VEZT: variants seen among roughly 807,000 people sequenced by gnomAD.
VEZT encodes the protein vezatin, adherens junctions transmembrane protein.
Under a neutral mutation model 79.9 loss-of-function variants are expected in VEZT, and 39 were observed. The ratio of observed to expected loss-of-function variants is 0.49; its 90% CI spans 0.38 to 0.64. The LOEUF (loss-of-function observed/expected upper bound fraction) is 0.64, where lower values mean the gene tolerates loss of function less well. VEZT is among the 30% of genes least tolerant of loss of function. The pLI is 0.00. For synonymous variants in VEZT, 325 were observed against 327.6 expected (o/e 0.99, Z 0.09); for missense variants, 837 against 893.1 (o/e 0.94, Z 0.80).
chr12:95,264,718 C>T (rs556330373), intron 4 of VEZT, among the ~76,000 whole-genome samples: 4 of 151,826 alleles, frequency 2.6e-5, no homozygotes, highest in South Asian at 2.1e-4. Flanking sequence ...ATTACAGGCA[C>T]GAGCCCCTGC....
chr12:95,298,414 A>T (rs1344574719), intron 11 of VEZT, among the ~76,000 whole-genome samples: 2 of 152,132 alleles, frequency 1.3e-5, no homozygotes, highest in African/African-American at 4.8e-5. Context: ...CATACATCAG[A>T]GATTAATTTT....
intron 1 of VEZT, among the ~76,000 whole-genome samples, chr12:95,250,565 A>G (rs536854933): frequency 7.3e-4 from 111 of 152,008 alleles, no homozygotes; most frequent in African/African-American, 2.7e-3. Context: ...AGCCTCCCAA[A>G]GTGTTGGGAT....
intron 2 of VEZT, among the ~76,000 whole-genome samples, chr12:95,252,969 G>GA (rs63001761): frequency 0.11 from 17,125 of 150,530 alleles, 1,256 homozygotes; most frequent in East Asian, 0.16. Context: ...GTGTCTCAAA[G>GA]AAAAAAAAAT....
intron 2 of VEZT, among the ~76,000 whole-genome samples, chr12:95,253,585 A>G (rs1000287132): frequency 3.3e-5 from 5 of 152,240 alleles, no homozygotes; most frequent in Admixed American, 6.5e-5. Flanking sequence ...AAGAATGGCC[A>G]GGGGATAGTC....
intron 7 of VEZT, among the ~76,000 whole-genome samples, chr12:95,281,549 GA>G (rs1300421248): frequency 9.4e-6 from 1 of 106,726 alleles, no homozygotes; most frequent in Non-Finnish European, 1.9e-5. Flanking sequence ...CTGGAGTATT[GA>G]TTTTTTTTTT....
At chr12:95,284,101 T>C (rs1323125188) in intron 8 of VEZT, among the ~76,000 whole-genome samples, 2 of 152,236 alleles carry the variant, frequency 1.3e-5, no homozygotes, top group African/African-American at 4.8e-5. Flanking sequence ...AGGAGCTTTG[T>C]ACCATGAGCA....
intron 4 of VEZT, among the ~76,000 whole-genome samples, chr12:95,264,869 C>CTTTTTTTTTTTTTTTT (rs71078693): frequency 8.8e-5 from 10 of 113,358 alleles, no homozygotes; most frequent in South Asian, 3.0e-4. Context: ...CTTTTCTTTT[C>CTTTTTTTTTTTTTTTT]TTTTTTTTTT....
At chr12:95,288,882 T>A (rs1246467869) in intron 9 of VEZT, among the ~76,000 whole-genome samples, 3 of 152,004 alleles carry the variant, frequency 2.0e-5, no homozygotes, top group Non-Finnish European at 2.9e-5. Context: ...GTACATTTTC[T>A]ACAAATAGAA....
chr12:95,242,225 G>A (rs900305720), intron 1 of VEZT: 2 of 152,190 alleles, frequency 1.3e-5, no homozygotes, highest in Admixed American at 6.5e-5. Flanking sequence ...CCTGGACATG[G>A]TGGCTCACAC....
chr12:95,290,230 G>A (rs1023817961), intron 9 of VEZT, among the ~76,000 whole-genome samples: 2 of 152,046 alleles, frequency 1.3e-5, no homozygotes, highest in Non-Finnish European at 2.9e-5. Flanking sequence ...ATACTCTGAG[G>A]TTTTATAAAT....
At chr12:95,234,815 T>C (rs1470154951) in intron 1 of VEZT, among the ~76,000 whole-genome samples, 1 of 152,190 alleles carries the variant, frequency 6.6e-6, no homozygotes, top group Non-Finnish European at 1.5e-5. Context: ...CCTTCCGCAG[T>C]GTTTGTGTCC....
intron 2 of VEZT, among the ~76,000 whole-genome samples, chr12:95,253,946 A>G (rs1478867928): frequency 6.6e-6 from 1 of 152,022 alleles, no homozygotes; most frequent in Non-Finnish European, 1.5e-5. Flanking sequence ...AAAAATTATC[A>G]TATGTCTAGA....
At chr12:95,283,104 T>C (rs2139314261) in intron 8 of VEZT, among the ~76,000 whole-genome samples, 1 of 152,314 alleles carries the variant, frequency 6.6e-6, no homozygotes, top group South Asian at 2.1e-4. Context: ...ATCTGAAAAT[T>C]TTTTTGTATC....
intron 1 of VEZT, among the ~76,000 whole-genome samples, chr12:95,239,779 C>T (rs1335597375): frequency 2.0e-5 from 3 of 152,044 alleles, no homozygotes; most frequent in Admixed American, 1.3e-4. Context: ...TGGTGAAACA[C>T]CATCTCTACT....
At chr12:95,289,081 C>CAAAAAAAAAAAAA (rs71078697) in intron 9 of VEZT, among the ~76,000 whole-genome samples, 1 of 123,042 alleles carries the variant, frequency 8.1e-6, no homozygotes, top group Non-Finnish European at 1.8e-5. Context: ...GACTCCGTCT[C>CAAAAAAAAAAAAA]AAAAAAAAAA....
intron 3 of VEZT, among the ~76,000 whole-genome samples, chr12:95,260,098 CTTTTTTT>C (rs56756447): frequency 2.5e-4 from 17 of 68,506 alleles, no homozygotes; most frequent in Non-Finnish European, 4.2e-4. Flanking sequence ...TGGTTGATCA[CTTTTTTT>C]TTTTTTTTTT....
chr12:95,274,026 A>G (rs945635756), intron 6 of VEZT, among the ~76,000 whole-genome samples: 7 of 152,178 alleles, frequency 4.6e-5, no homozygotes, highest in Admixed American at 1.3e-4. Flanking sequence ...TGCCACTTAT[A>G]TCAGTCTGTG....
intron 9 of VEZT, chr12:95,290,819 T>C (rs2072560079): frequency 6.6e-6 from 1 of 152,132 alleles, no homozygotes; most frequent in Non-Finnish European, 1.5e-5. Flanking sequence ...TATATAAATA[T>C]GTATGTATAC....
At chr12:95,260,729 T>C (rs2064292027) in intron 3 of VEZT, among the ~76,000 whole-genome samples, 1 of 152,224 alleles carries the variant, frequency 6.6e-6, no homozygotes, top group South Asian at 2.1e-4. Flanking sequence ...AATACTTGCA[T>C]TGAATATGGC....
Sources: allele counts gnomAD v4.1 joint callset (sites outside exome capture counted in the v4.1 genomes callset), GRCh38; gene constraint gnomAD v4.1.1; transcripts MANE v1.5; gene names NCBI Gene and HGNC (gene_info 2026-07-23, HGNC 2026-07-21).